RASAL2: variants seen among roughly 807,000 people sequenced by gnomAD.
RASAL2 encodes the protein RAS protein activator like 2.
A neutral mutation model predicts 128.9 loss-of-function variants in RASAL2; 58 were observed. The observed-to-expected ratio is 0.45, with a 90% CI of 0.36 to 0.56. The LOEUF is 0.56. RASAL2 is among the 20% of genes least tolerant of loss of function. RASAL2 has a pLI of 0.00. For missense variants in RASAL2, 1,360 were observed against 1,601.6 expected (o/e 0.85, Z 2.57); for synonymous variants, 561 against 580.8 (o/e 0.97, Z 0.49).
At chr1:178,402,153 C>T (rs564082490) in intron 4 of RASAL2, among the ~76,000 whole-genome samples, 19 of 152,218 alleles carry the variant, frequency 1.2e-4, no homozygotes, top group Admixed American at 2.6e-4. Context: ...TGTTGGCTCA[C>T]GCCTGTAATC....
At chr1:178,373,026 A>G (rs1671798108) in intron 3 of RASAL2, among the ~76,000 whole-genome samples, 1 of 152,036 alleles carries the variant, frequency 6.6e-6, no homozygotes, top group African/African-American at 2.4e-5. Flanking sequence ...TAGCCTTCAA[A>G]TTTATCTTTC....
intron 2 of RASAL2, among the ~76,000 whole-genome samples, chr1:178,290,820 C>T (rs187142454): frequency 1.1e-4 from 16 of 151,960 alleles, no homozygotes; most frequent in Admixed American, 3.9e-4. Context: ...GGACTACAGG[C>T]GCCCACCACC....
intron 2 of RASAL2, among the ~76,000 whole-genome samples, chr1:178,295,467 GT>G (rs11326122): frequency 0.25 from 37,317 of 146,426 alleles, 7,293 homozygotes; most frequent in African/African-American, 0.55. Flanking sequence ...AACAGCATTG[GT>G]TTTTTTTTTT....
intron 4 of RASAL2, among the ~76,000 whole-genome samples, chr1:178,418,942 C>A (rs1674954892): frequency 6.6e-6 from 1 of 152,164 alleles, no homozygotes; most frequent in Non-Finnish European, 1.5e-5. Flanking sequence ...GTAAGGACAG[C>A]ATAGACAGGA....
chr1:178,258,249 G>A (rs1440284859), intron 1 of RASAL2, among the ~76,000 whole-genome samples: 8 of 145,504 alleles, frequency 5.5e-5, no homozygotes, highest in South Asian at 2.2e-4. Flanking sequence ...AGCCAAGATC[G>A]CGCCACTGCA....
intron 1 of RASAL2, among the ~76,000 whole-genome samples, chr1:178,107,620 T>G (rs1260929979): frequency 6.6e-6 from 1 of 152,126 alleles, no homozygotes; most frequent in African/African-American, 2.4e-5. Flanking sequence ...AAACAATGAC[T>G]CTCCCTTTCC....
In RASAL2 at chr1:178,205,963, G is replaced by A. The variant is rs767602076; in HGVS notation, c.203-77601G>A. Among the ~76,000 whole-genome samples the A allele has an allele frequency of 9.2e-5, 14 of 152,088 alleles. No individual in the cohort carries two copies. In the South Asian group the frequency reaches 1.7e-3, roughly 18 times the overall value. On this transcript the variant is annotated intron_variant, in intron 1 of 17. Coordinates refer to ENST00000367649, the MANE Select transcript of RASAL2 (RefSeq NM_170692.4). ...ATTATTGACTTCTATGTGACATTAC[G>A]GACCATCCTCTCCTTGAAATTCTTT... is the stretch of plus-strand genomic sequence containing the variant.
In RASAL2 at chr1:178,180,543, T is replaced by TA. The variant is rs1355221749; in HGVS notation, c.202+85850dup. Among the ~76,000 whole-genome samples, 40 of 138,068 alleles carry TA rather than the reference T, an allele frequency of 2.9e-4. 1 individual carries two copies. Among genetic ancestry groups the TA allele is most frequent in the African/African-American group, 1.1e-3 (39 of 36,198 alleles). The allele number at this position is 138,068 out of a possible 152,430, so 90.6% of individuals were successfully genotyped here. A position where few individuals can be genotyped will look rare whatever the true frequency, so the allele number is the denominator to read the frequency against. ...AAGTAGCCTAGTATGATGGCGCGCC[T>TA]ATAGTGCCAGCTTCTCAGGAGGCTG... is the stretch of plus-strand genomic sequence containing the variant. On this transcript the variant is annotated intron_variant, in intron 1 of 17. Coordinates refer to ENST00000367649, the MANE Select transcript of RASAL2 (RefSeq NM_170692.4).
chr1:178,279,786 T>C (rs1288458249), intron 1 of RASAL2, among the ~76,000 whole-genome samples: 1 of 152,196 alleles, frequency 6.6e-6, no homozygotes, highest in Non-Finnish European at 1.5e-5. Flanking sequence ...ATTAGAATGT[T>C]AGAAAATTTG....
chr1:178,325,383 T>C (rs554593711), intron 3 of RASAL2, among the ~76,000 whole-genome samples: 11 of 152,328 alleles, frequency 7.2e-5, no homozygotes, highest in African/African-American at 2.6e-4. Context: ...CCTCCCACTT[T>C]AATCAGAGTA....
Position 178,306,801 on chromosome 1 carries a change from CT to C in RASAL2, c.457+6686del, listed in dbSNP as rs1169529912. ...TCATTGTAGATTCTGGATATTAGCC[CT>C]TTGTCAGATGAACAAATCACATGGA... On this transcript the variant is annotated intron_variant, in intron 3 of 17. Coordinates refer to ENST00000367649, the MANE Select transcript of RASAL2 (RefSeq NM_170692.4). 1.4e-4 allele frequency among the ~76,000 whole-genome samples: 19 copies of C among 138,828 alleles called. 1 individual carries two copies. Among genetic ancestry groups the C allele is most frequent in the Non-Finnish European group, 4.5e-5 (3 of 66,550 alleles). The allele number at this position is 138,828 out of a possible 152,430, so 91.1% of individuals were successfully genotyped here.
intron 1 of RASAL2, among the ~76,000 whole-genome samples, chr1:178,227,422 A>G (rs1194274762): frequency 6.6e-6 from 1 of 152,144 alleles, no homozygotes; most frequent in Non-Finnish European, 1.5e-5. Flanking sequence ...ACTGTAGATC[A>G]TAAGACTCTC....
intron 1 of RASAL2, among the ~76,000 whole-genome samples, chr1:178,275,769 A>G (rs986139073): frequency 1.3e-5 from 2 of 152,228 alleles, no homozygotes; most frequent in East Asian, 1.9e-4. Flanking sequence ...TACTCACCAG[A>G]GAGAAGTATC....
At chr1:178,164,163 A>C (rs1039858090) in intron 1 of RASAL2, among the ~76,000 whole-genome samples, 5 of 148,298 alleles carry the variant, frequency 3.4e-5, no homozygotes, top group Admixed American at 1.4e-4. Context: ...AAGTTAAAAA[A>C]CTGTAGAAAA....
intron 1 of RASAL2, among the ~76,000 whole-genome samples, chr1:178,115,512 T>TG (rs1659493501): frequency 6.6e-6 from 1 of 152,186 alleles, no homozygotes; most frequent in African/African-American, 2.4e-5. Flanking sequence ...TAGTAGTGGG[T>TG]GAGTGTTCCA....
At chr1:178,457,600 G>A (rs1397223406) in intron 13 of RASAL2, 83 bp from the exon 14 acceptor site, 1 of 1,402,638 alleles carries the variant, frequency 7.1e-7, no homozygotes, top group African/African-American at 1.4e-5. Context: ...AACCTTCGGA[G>A]GAGTTCATAT....
intron 1 of RASAL2, among the ~76,000 whole-genome samples, chr1:178,210,038 A>T (rs923031503): frequency 1.3e-5 from 2 of 151,934 alleles, no homozygotes; most frequent in South Asian, 4.2e-4. Flanking sequence ...TCAATTTAAC[A>T]TGTTAAATTT....
intron 1 of RASAL2, among the ~76,000 whole-genome samples, chr1:178,095,509 G>C (rs1028540172): frequency 6.6e-6 from 1 of 152,198 alleles, no homozygotes; most frequent in South Asian, 2.1e-4. Flanking sequence ...TTATCGCCTA[G>C]CTCACGTGAC....
chr1:178,417,811 G>C (rs1295147349), intron 4 of RASAL2, among the ~76,000 whole-genome samples: 1 of 145,628 alleles, frequency 6.9e-6, no homozygotes. Flanking sequence ...TAAATTACTA[G>C]ATTTAATTAG....
Sources: allele counts gnomAD v4.1 joint callset (sites outside exome capture counted in the v4.1 genomes callset), GRCh38; gene constraint gnomAD v4.1.1; transcripts MANE v1.5; gene names NCBI Gene and HGNC (gene_info 2026-07-23, HGNC 2026-07-21).